The following SDK1 variants were observed in gnomAD, a reference collection of about 807,000 sequenced individuals.
SDK1 encodes the protein protein sidekick-1.
In SDK1, 157 loss-of-function variants were observed where a neutral mutation model predicts 245.5. The ratio of observed to expected loss-of-function variants is 0.64; its 90% CI spans 0.56 to 0.73. The LOEUF is 0.73. SDK1 is among the 30% of genes least tolerant of loss of function. The probability of loss-of-function intolerance (pLI) is 0.00; values close to 1 mark genes in which losing one functional copy is unlikely to be tolerated. For missense variants in SDK1, 3,583 were observed against 3,002.3 expected (o/e 1.19, Z -4.52); for synonymous variants, 1,647 against 1,278.5 (o/e 1.29, Z -6.15).
intron 20 of SDK1, among the ~76,000 whole-genome samples, chr7:4,069,459 C>T (rs566301433): frequency 2.0e-5 from 3 of 152,332 alleles, no homozygotes; most frequent in Admixed American, 2.0e-4. Context: ...ATTCTGCAGC[C>T]GCACCCCAAG....
intron 21 of SDK1, among the ~76,000 whole-genome samples, chr7:4,079,022 A>G (rs1338294405): frequency 1.3e-5 from 2 of 152,176 alleles, no homozygotes; most frequent in Non-Finnish European, 2.9e-5. Flanking sequence ...CCCTGGGCCT[A>G]TGCACTCTTC....
chr7:3,943,856 C>G (rs530782568), intron 5 of SDK1, among the ~76,000 whole-genome samples: 1 of 152,132 alleles, frequency 6.6e-6, no homozygotes, highest in Non-Finnish European at 1.5e-5. Context: ...GGCTTCATTT[C>G]CCTCTGCTGC....
At chr7:4,095,476 T>A (rs1478286153) in intron 22 of SDK1, among the ~76,000 whole-genome samples, 3 of 152,274 alleles carry the variant, frequency 2.0e-5, no homozygotes, top group Admixed American at 2.0e-4. Context: ...GAACCAAGCA[T>A]CTCCTGACTC....
At chr7:3,767,669 A>C (rs1780292551) in intron 4 of SDK1, among the ~76,000 whole-genome samples, 1 of 152,188 alleles carries the variant, frequency 6.6e-6, no homozygotes, top group Non-Finnish European at 1.5e-5. Flanking sequence ...AAACAGAAGC[A>C]CTGAGACATG....
chr7:3,474,268 G>C (rs1248955887), intron 1 of SDK1, among the ~76,000 whole-genome samples: 1 of 150,762 alleles, frequency 6.6e-6, no homozygotes, highest in African/African-American at 2.4e-5. Flanking sequence ...GCTAATTTTT[G>C]TATTTTTAGT....
intron 1 of SDK1, among the ~76,000 whole-genome samples, chr7:3,578,945 A>G (rs1780395092): frequency 6.6e-6 from 1 of 151,936 alleles, no homozygotes; most frequent in Non-Finnish European, 1.5e-5. Flanking sequence ...TAACAGGATT[A>G]AGAGATTAAA....
intron 4 of SDK1, among the ~76,000 whole-genome samples, chr7:3,667,580 C>G (rs537328774): frequency 6.6e-6 from 1 of 152,342 alleles, no homozygotes; most frequent in East Asian, 1.9e-4. Flanking sequence ...CGCCCAAATT[C>G]TCCCACACTC....
intron 5 of SDK1, among the ~76,000 whole-genome samples, chr7:3,938,827 C>T (rs1780255684): frequency 6.6e-6 from 1 of 152,178 alleles, no homozygotes; most frequent in African/African-American, 2.4e-5. Context: ...CATGAGCCAA[C>T]TGCAGCACTG....
chr7:3,924,466 C>T (rs1453918424), intron 5 of SDK1, among the ~76,000 whole-genome samples: 2 of 152,156 alleles, frequency 1.3e-5, no homozygotes, highest in South Asian at 4.2e-4. Flanking sequence ...GTGATCTCCC[C>T]CACCCCTGCT....
chr7:3,810,906 C>T (rs1779368151), intron 4 of SDK1, among the ~76,000 whole-genome samples: 1 of 152,126 alleles, frequency 6.6e-6, no homozygotes, highest in Non-Finnish European at 1.5e-5. Context: ...AGCAGATGGG[C>T]TTTGTTTTAG....
chr7:3,816,885 A>G (rs1779520045), intron 4 of SDK1, among the ~76,000 whole-genome samples: 1 of 152,160 alleles, frequency 6.6e-6, no homozygotes, highest in Admixed American at 6.5e-5. Context: ...TTTACAAACT[A>G]ATATTCTGCA....
chr7:3,392,024 A>G (rs1375270004), intron 1 of SDK1, among the ~76,000 whole-genome samples: 5 of 151,422 alleles, frequency 3.3e-5, no homozygotes, highest in African/African-American at 9.8e-5. Flanking sequence ...CAAAGACCAT[A>G]CAAGGCTTTT....
chr7:3,690,439 C>T (rs1212573586), intron 4 of SDK1, among the ~76,000 whole-genome samples: 2 of 152,056 alleles, frequency 1.3e-5, no homozygotes, highest in Non-Finnish European at 2.9e-5. Context: ...GGGATTTATC[C>T]TTTTATAATC....
chr7:3,381,584 GCTTAGTT>G (rs1287393325), intron 1 of SDK1, among the ~76,000 whole-genome samples: 3 of 152,150 alleles, frequency 2.0e-5, no homozygotes, highest in African/African-American at 7.2e-5. Context: ...ACTGTAGCAT[GCTTAGTT>G]CTAAGGAGAG....
chr7:4,260,073 G>T (rs1787884892), intron 44 of SDK1, among the ~76,000 whole-genome samples: 1 of 152,226 alleles, frequency 6.6e-6, no homozygotes, highest in African/African-American at 2.4e-5. Context: ...TGAAGGAGAA[G>T]CTGGCTGCTC....
At chr7:3,524,874 C>T (rs1458731387) in intron 1 of SDK1, among the ~76,000 whole-genome samples, 1 of 152,116 alleles carries the variant, frequency 6.6e-6, no homozygotes, top group African/African-American at 2.4e-5. Context: ...GTACTGGGTG[C>T]AGTGAGTCAC....
intron 1 of SDK1, among the ~76,000 whole-genome samples, chr7:3,354,642 A>G (rs566867067): frequency 6.6e-6 from 1 of 152,352 alleles, no homozygotes; most frequent in African/African-American, 2.4e-5. Flanking sequence ...CATTTATTAA[A>G]TCACAGAAGT....
chr7:3,805,926 C>G (rs939316562), intron 4 of SDK1, among the ~76,000 whole-genome samples: 1 of 152,124 alleles, frequency 6.6e-6, no homozygotes, highest in Non-Finnish European at 1.5e-5. Context: ...GCTCCTTTGC[C>G]CCCTCTTCTT....
chr7:3,882,143 A>G (rs1009018635), intron 5 of SDK1, among the ~76,000 whole-genome samples: 5 of 152,198 alleles, frequency 3.3e-5, no homozygotes, highest in Non-Finnish European at 5.9e-5. Flanking sequence ...TGTGAGACTT[A>G]TTCACGACCA....
Sources: gnomAD v4.1 joint callset for allele counts (sites outside exome capture counted in the v4.1 genomes callset) on GRCh38, gnomAD v4.1.1 for gene constraint, MANE v1.5 for transcripts, NCBI Gene and HGNC (gene_info 2026-07-23, HGNC 2026-07-21) for gene names.